The following DOCK8 variants were observed in gnomAD, a reference collection of about 807,000 sequenced individuals.
The protein encoded by DOCK8 is dedicator of cytokinesis 8, also known as dedicator of cytokinesis protein 8.
In DOCK8, 141 loss-of-function variants were observed where a neutral mutation model predicts 245.6. That is an observed-to-expected ratio of 0.57 (90% CI 0.50 to 0.66). DOCK8 has a LOEUF of 0.66. Ranked by LOEUF, DOCK8 falls within the 30% of genes least tolerant of loss-of-function variation. The pLI is 0.00. For missense variants in DOCK8, 2,965 were observed against 2,603.4 expected (o/e 1.14, Z -3.02); for synonymous variants, 1,168 against 970.2 (o/e 1.20, Z -3.79).
At chr9:444,335 AAATAATAATAATAATAATAAT>A (rs139606153) in intron 43 of DOCK8, among the ~76,000 whole-genome samples, 1 of 143,622 alleles carries the variant, frequency 7.0e-6, no homozygotes, top group Non-Finnish European at 1.5e-5. Context: ...AAAACAAAGC[AAATAATAATAATAATAATAAT>A]AATAATAATT....
chr9:460,966 G>A lies in DOCK8; in HGVS notation c.6069-2551G>A, dbSNP rs536576164. On this transcript the variant is annotated intron_variant, in intron 46 of 47. Coordinates refer to ENST00000432829, the MANE Select transcript of DOCK8 (RefSeq NM_203447.4). The stretch of plus-strand genomic sequence containing the variant: ...TAATATAGTTATTACTAATTATTGC[G>A]TGTTAGGTAACATACAGCCATTATT... 4.8e-3 allele frequency among the ~76,000 whole-genome samples: 725 copies of A among 152,296 alleles called. 6 individuals are homozygous for A. Among genetic ancestry groups the A allele is most frequent in the African/African-American group, 0.015 (644 of 41,556 alleles).
chr9:266,014 G>A (rs775827347), intron 1 of DOCK8, among the ~76,000 whole-genome samples: 1 of 152,114 alleles, frequency 6.6e-6, no homozygotes, highest in Non-Finnish European at 1.5e-5. Context: ...GAGGCAGCAT[G>A]ATGTTTAAAA....
At chr9:379,248 C>G (rs2053640065) in intron 20 of DOCK8, among the ~76,000 whole-genome samples, 1 of 152,096 alleles carries the variant, frequency 6.6e-6, no homozygotes, top group African/African-American at 2.4e-5. Flanking sequence ...TGTGTATGGG[C>G]CCACTGTGGG....
At chr9:368,767 A>G (rs977500377) in intron 15 of DOCK8, 7 of 151,000 alleles carry the variant, frequency 4.6e-5, no homozygotes, top group Admixed American at 2.0e-4. Flanking sequence ...GTTAGCTATT[A>G]CTATTTCCCA....
At chr9:429,645 C>T (rs1159251189) in intron 35 of DOCK8, 57 bp from the exon 36 acceptor site, 7 of 1,605,828 alleles carry the variant, frequency 4.4e-6, no homozygotes, top group Non-Finnish European at 6.0e-6. Flanking sequence ...TTTCAACGGT[C>T]CAGAAAGTGT....
At chr9:233,810 T>C (rs1352342383) in intron 1 of DOCK8, among the ~76,000 whole-genome samples, 1 of 152,030 alleles carries the variant, frequency 6.6e-6, no homozygotes, top group Non-Finnish European at 1.5e-5. Flanking sequence ...TGAGATGGGT[T>C]TCCTGAATAC....
rs551508638 is a variant in DOCK8, at chr9:337,989, A to T, written c.1423-1017A>T. ...GCCAACATGGTGAACCCCCGTCTCTACTAAAAATACAAAAGTTAGCCGGGT... is the reference window on the plus strand; with the variant it reads ...GCCAACATGGTGAACCCCCGTCTCTTCTAAAAATACAAAAGTTAGCCGGGT... On this transcript the variant is annotated intron_variant, in intron 12 of 47. Transcript: ENST00000432829. Among the ~76,000 whole-genome samples, 83 of 152,256 alleles carry T rather than the reference A, an allele frequency of 5.5e-4. 1 individual carries two copies. Among genetic ancestry groups the T allele is most frequent in the Non-Finnish European group, 1.0e-3 (70 of 68,014 alleles).
At chr9:286,370 A>G (rs1563876654) in intron 2 of DOCK8, 91 bp from the exon 3 acceptor site, 1 of 1,476,494 alleles carries the variant, frequency 6.8e-7, no homozygotes, top group Non-Finnish European at 9.3e-7. Flanking sequence ...TACTAAGTCA[A>G]AGGAAAGCAA....
chr9:339,102 G>T lies in DOCK8; in HGVS notation c.1516+3G>T. Reference sequence around the variant, plus strand: ...GAGACGAGTCAAGTCAATTCCAGGTGTGAATGACTTATCTTTATCCTCTTT... The same window carrying T: ...GAGACGAGTCAAGTCAATTCCAGGTTTGAATGACTTATCTTTATCCTCTTT... On this transcript the variant is annotated splice_donor_region_variant and intron_variant, in intron 13 of 47. Transcript: ENST00000432829. The T allele has an allele frequency of 6.2e-7, 1 of 1,613,498 alleles. No individual in the cohort carries two copies. Among genetic ancestry groups the T allele is most frequent in the Non-Finnish European group, 8.5e-7 (1 of 1,179,562 alleles).
At chr9:333,460 GCA>G (rs2051138653) in intron 10 of DOCK8, among the ~76,000 whole-genome samples, 1 of 152,136 alleles carries the variant, frequency 6.6e-6, no homozygotes, top group Non-Finnish European at 1.5e-5. Flanking sequence ...AATTAGCCGG[GCA>G]TGGTGGCACG....
intron 4 of DOCK8, among the ~76,000 whole-genome samples, chr9:297,169 G>A (rs1183763361): frequency 6.6e-6 from 1 of 152,200 alleles, no homozygotes; most frequent in African/African-American, 2.4e-5. Context: ...AAAAGAAGAT[G>A]AGGAACACGT....
intron 5 of DOCK8, among the ~76,000 whole-genome samples, chr9:307,909 G>T (rs1406402892): frequency 2.6e-5 from 4 of 152,210 alleles, no homozygotes; most frequent in African/African-American, 4.8e-5. Flanking sequence ...CCTGTCATTT[G>T]CATCAACATG....
Position 214,897 on chromosome 9 carries a change from T to G in DOCK8, c.-80T>G. ...GAGGTTTGCGCTTGGCTGGGCATGT[T>G]CCGCGGCTACTCTGCGGCGCGCCAG... On this transcript the variant is annotated 5_prime_UTR_variant, in exon 1 of 48. Transcript: ENST00000432829. 2 of 1,602,812 alleles carry G rather than the reference T, an allele frequency of 1.2e-6. No homozygotes were observed. Among genetic ancestry groups the G allele is most frequent in the East Asian group, 2.3e-5 (1 of 43,926 alleles).
intron 14 of DOCK8, among the ~76,000 whole-genome samples, chr9:358,746 G>C (rs1480687263): frequency 1.3e-5 from 2 of 150,092 alleles, no homozygotes; most frequent in Non-Finnish European, 3.0e-5. Context: ...CTACTTGGGA[G>C]GCTGAGGCAG....
At chr9:312,839 C>T (rs1455940989) in intron 6 of DOCK8, 1 of 183,144 alleles carries the variant, frequency 5.5e-6, no homozygotes, top group Non-Finnish European at 1.2e-5. Context: ...AGGAGGCTCT[C>T]AGTTTTCCCC....
At chr9:312,289 C>G in intron 6 of DOCK8, 123 bp downstream of exon 6, 1 of 1,207,014 alleles carries the variant, frequency 8.3e-7, no homozygotes, top group Non-Finnish European at 1.2e-6. Flanking sequence ...TGTATGATTT[C>G]TGGGGCCTCG....
chr9:336,846 C>T (rs949987427), intron 12 of DOCK8, 128 bp downstream of exon 12: 1 of 1,127,374 alleles, frequency 8.9e-7, no homozygotes, highest in Non-Finnish European at 1.3e-6. Flanking sequence ...AGTTCATTTT[C>T]TGCTGCTTAT....
At chr9:428,960 C>CTTTATTTA (rs111783905) in intron 35 of DOCK8, among the ~76,000 whole-genome samples, 3,012 of 152,048 alleles carry the variant, frequency 0.02, 104 homozygotes, top group African/African-American at 0.07. Flanking sequence ...TTATTTTTCC[C>CTTTATTTA]TTTATTTATT....
chr9:425,929 G>C (rs1341102958), intron 33 of DOCK8, among the ~76,000 whole-genome samples: 2 of 152,102 alleles, frequency 1.3e-5, no homozygotes, highest in African/African-American at 4.8e-5. Flanking sequence ...TGGTATGTAA[G>C]CAGCTGCAGT....
Sources: gnomAD v4.1 joint callset for allele counts (sites outside exome capture counted in the v4.1 genomes callset) on GRCh38, gnomAD v4.1.1 for gene constraint, MANE v1.5 for transcripts, NCBI Gene and HGNC (gene_info 2026-07-23, HGNC 2026-07-21) for gene names.